STXBP6: variants seen among roughly 807,000 people sequenced by gnomAD.
STXBP6 encodes the protein syntaxin binding protein 6.
A neutral mutation model predicts 26.9 loss-of-function variants in STXBP6; 21 were observed. That is an observed-to-expected ratio of 0.78 (90% confidence interval 0.55 to 1.12). STXBP6 has a LOEUF of 1.12. STXBP6 is among the 50% of genes most tolerant of loss of function. The probability of loss-of-function intolerance (pLI) is 0.00; values close to 1 mark genes in which losing one functional copy is unlikely to be tolerated. For missense variants in STXBP6, 232 were observed against 257.9 expected (o/e 0.90, Z 0.69); for synonymous variants, 97 against 92.6 (o/e 1.05, Z -0.27).
At chr14:24,921,853 A>AT (rs34955096) in intron 2 of STXBP6, among the ~76,000 whole-genome samples, 35,068 of 151,802 alleles carry the variant, frequency 0.23, 4,201 homozygotes, top group African/African-American at 0.29. Flanking sequence ...CATTTCAGCT[A>AT]TTTTTTTGTC....
At chr14:24,923,075 A>C (rs527546189) in intron 2 of STXBP6, among the ~76,000 whole-genome samples, 3 of 152,236 alleles carry the variant, frequency 2.0e-5, no homozygotes, top group Non-Finnish European at 4.4e-5. Context: ...AGCACTACTG[A>C]TGTCTCCATG....
At chr14:24,887,690 A>G (rs2070641659) in intron 2 of STXBP6, among the ~76,000 whole-genome samples, 1 of 152,220 alleles carries the variant, frequency 6.6e-6, no homozygotes, top group Admixed American at 6.5e-5. Context: ...AAAGTACACT[A>G]TTTGGGTGGC....
intron 2 of STXBP6, among the ~76,000 whole-genome samples, chr14:24,917,642 T>C (rs1482403610): frequency 6.6e-6 from 1 of 152,044 alleles, no homozygotes; most frequent in Non-Finnish European, 1.5e-5. Flanking sequence ...GGGCTAAAAC[T>C]TCAAAAATCT....
chr14:24,888,174 A>G (rs974867758), intron 2 of STXBP6, among the ~76,000 whole-genome samples: 1 of 152,254 alleles, frequency 6.6e-6, no homozygotes, highest in Admixed American at 6.5e-5. Flanking sequence ...GTGACTAAGG[A>G]GATTATCTTT....
At chr14:24,904,499 A>G (rs1280398107) in intron 2 of STXBP6, among the ~76,000 whole-genome samples, 1 of 152,176 alleles carries the variant, frequency 6.6e-6, no homozygotes, top group Non-Finnish European at 1.5e-5. Context: ...GTTCTGGACT[A>G]AAGTGTGTCC....
intron 2 of STXBP6, among the ~76,000 whole-genome samples, chr14:24,895,617 C>T (rs1470063647): frequency 2.6e-5 from 4 of 152,090 alleles, no homozygotes; most frequent in African/African-American, 7.2e-5. Context: ...CACAGACATT[C>T]GAAGATATGA....
chr14:24,898,273 A>C (rs564515081), intron 2 of STXBP6, among the ~76,000 whole-genome samples: 2 of 152,372 alleles, frequency 1.3e-5, no homozygotes, highest in South Asian at 2.1e-4. Flanking sequence ...TACAGGAAGC[A>C]TTTAATAAAT....
intron 5 of STXBP6, 145 bp downstream of exon 5, chr14:24,818,892 T>G (rs1474066430): frequency 2.0e-5 from 22 of 1,105,000 alleles, no homozygotes; most frequent in Non-Finnish European, 2.7e-5. Flanking sequence ...CTCAGGTGTT[T>G]AGTAAGTAGC....
intron 2 of STXBP6, among the ~76,000 whole-genome samples, chr14:24,898,942 T>C (rs1277805129): frequency 6.6e-6 from 1 of 152,206 alleles, no homozygotes; most frequent in Non-Finnish European, 1.5e-5. Context: ...CATCATTACA[T>C]AGGCATGATT....
rs549230460 is a variant in STXBP6, at chr14:24,966,473, C to T, written c.154+8192G>A. Among the ~76,000 whole-genome samples the T allele has an allele frequency of 1.2e-4, 19 of 152,108 alleles. No homozygotes were observed. In the East Asian group the frequency reaches 3.1e-3, roughly 25 times the overall value. On this transcript the variant is annotated intron_variant, in intron 2 of 5. Coordinates refer to ENST00000323944, the MANE Select transcript of STXBP6 (RefSeq NM_001394410.1). ...AGTCAGCACCCTCATTACTTAGCCA[C>T]CTGACCCTAGGCAGTGCAACTACCA...
chr14:25,018,051 C>T (rs116592417), intron 1 of STXBP6, among the ~76,000 whole-genome samples: 2,697 of 152,286 alleles, frequency 0.018, 77 homozygotes, highest in African/African-American at 0.059. Context: ...ACACTGCCCC[C>T]CTGCTCAGCA....
chr14:25,036,214 CAAAAAAAAAAAA>C (rs559433301), intron 1 of STXBP6, among the ~76,000 whole-genome samples: 4,664 of 80,740 alleles, frequency 0.058, 277 homozygotes, highest in African/African-American at 0.16. Flanking sequence ...AAGACTCCAT[CAAAAAAAAAAAA>C]AAAAAAAAAA....
intron 2 of STXBP6, among the ~76,000 whole-genome samples, chr14:24,941,275 C>T (rs1410946009): frequency 3.9e-5 from 6 of 152,054 alleles, no homozygotes; most frequent in Non-Finnish European, 8.8e-5. Context: ...GGAGAGTAGA[C>T]AAACATAAAT....
chr14:25,045,721 A>G (rs1305920529), intron 1 of STXBP6, among the ~76,000 whole-genome samples: 3 of 150,418 alleles, frequency 2.0e-5, no homozygotes, highest in Non-Finnish European at 4.4e-5. Context: ...CTCTTGCCTC[A>G]GCCTCCCGAG....
At chr14:24,944,334 C>A (rs961753067) in intron 2 of STXBP6, among the ~76,000 whole-genome samples, 1 of 152,166 alleles carries the variant, frequency 6.6e-6, no homozygotes, top group Non-Finnish European at 1.5e-5. Context: ...TAAACACAGC[C>A]ATTTTTCTTC....
chr14:24,861,977 A>C (rs1339754925), intron 2 of STXBP6, among the ~76,000 whole-genome samples: 2 of 152,058 alleles, frequency 1.3e-5, no homozygotes, highest in African/African-American at 4.8e-5. Context: ...CTGACATGGG[A>C]TACTTAAATC....
intron 2 of STXBP6, among the ~76,000 whole-genome samples, chr14:24,884,947 C>T (rs2070516856): frequency 1.3e-5 from 2 of 152,170 alleles, no homozygotes; most frequent in Admixed American, 6.5e-5. Flanking sequence ...AGGAAGCATA[C>T]ATTCCACAGT....
At chr14:25,043,105 G>A (rs147802302) in intron 1 of STXBP6, among the ~76,000 whole-genome samples, 276 of 152,342 alleles carry the variant, frequency 1.8e-3, no homozygotes, top group South Asian at 8.5e-3. Flanking sequence ...TCACAAGGAA[G>A]CCTGAATAGG....
chr14:24,964,647 C>CTG (rs34132743), intron 2 of STXBP6, among the ~76,000 whole-genome samples: 6,434 of 140,148 alleles, frequency 0.046, 157 homozygotes, highest in Non-Finnish European at 0.057. Flanking sequence ...AGTTCTCATT[C>CTG]TGTGTGTGTG....
Sources: gnomAD v4.1 joint callset for allele counts (sites outside exome capture counted in the v4.1 genomes callset) on GRCh38, gnomAD v4.1.1 for gene constraint, MANE v1.5 for transcripts, NCBI Gene and HGNC (gene_info 2026-07-23, HGNC 2026-07-21) for gene names.